ZNF407: variants seen among roughly 807,000 people sequenced by gnomAD.
The protein encoded by ZNF407 is zinc finger protein 407.
In ZNF407, 17 loss-of-function variants were observed where a neutral mutation model predicts 131.2. The observed-to-expected ratio is 0.13, with a 90% CI of 0.09 to 0.19. The LOEUF (loss-of-function observed/expected upper bound fraction) is 0.19. Among genes scored for constraint, ZNF407 ranks in the 10% least tolerant of loss-of-function variants. The probability of loss-of-function intolerance (pLI) is 1.00; values close to 1 mark genes in which losing one functional copy is unlikely to be tolerated. For missense variants in ZNF407, 2,681 were observed against 2,830.6 expected (o/e 0.95, Z 1.20); for synonymous variants, 1,156 against 1,062.0 (o/e 1.09, Z -1.72).
chr18:75,007,048 A>G (rs1264722462), intron 8 of ZNF407, among the ~76,000 whole-genome samples: 3 of 151,674 alleles, frequency 2.0e-5, no homozygotes, highest in Non-Finnish European at 4.4e-5. Context: ...CAACTTTTTC[A>G]ACTTTTTCTG....
chr18:74,839,101 T>C (rs1439028673), intron 4 of ZNF407, among the ~76,000 whole-genome samples: 1 of 152,204 alleles, frequency 6.6e-6, no homozygotes, highest in Non-Finnish European at 1.5e-5. Flanking sequence ...ATCTATTGTA[T>C]TTATACTTTC....
chr18:74,962,466 C>A (rs1027376358), intron 8 of ZNF407, among the ~76,000 whole-genome samples: 1 of 152,188 alleles, frequency 6.6e-6, no homozygotes, highest in African/African-American at 2.4e-5. Context: ...AGGATCTGGC[C>A]CACAATAGAC....
chr18:75,011,610 C>T (rs1659305083), intron 8 of ZNF407, among the ~76,000 whole-genome samples: 1 of 151,938 alleles, frequency 6.6e-6, no homozygotes, highest in South Asian at 2.1e-4. Flanking sequence ...TTCCCAAAAT[C>T]AGAAAACACT....
chr18:74,941,867 T>A (rs1262222086), intron 8 of ZNF407, among the ~76,000 whole-genome samples: 1 of 152,232 alleles, frequency 6.6e-6, no homozygotes, highest in Non-Finnish European at 1.5e-5. Context: ...TTGACAAAGG[T>A]ATTCCAGGGC....
intron 8 of ZNF407, among the ~76,000 whole-genome samples, chr18:75,029,810 A>G (rs1973218533): frequency 6.6e-6 from 1 of 152,254 alleles, no homozygotes; most frequent in African/African-American, 2.4e-5. Flanking sequence ...TTAGAATGTC[A>G]TACAGCTGCA....
intron 3 of ZNF407, among the ~76,000 whole-genome samples, chr18:74,779,906 T>A (rs1300825675): frequency 6.6e-6 from 1 of 152,164 alleles, no homozygotes; most frequent in Non-Finnish European, 1.5e-5. Flanking sequence ...TTATAGACAA[T>A]GGAGGACAGT....
intron 8 of ZNF407, among the ~76,000 whole-genome samples, chr18:75,030,951 C>T (rs1403231204): frequency 1.3e-5 from 2 of 152,222 alleles, no homozygotes; most frequent in African/African-American, 4.8e-5. Flanking sequence ...AGCACAATGA[C>T]TTCCCAGTCA....
At chr18:74,729,493 G>C (rs1458216807) in intron 3 of ZNF407, among the ~76,000 whole-genome samples, 1 of 151,698 alleles carries the variant, frequency 6.6e-6, no homozygotes, top group Non-Finnish European at 1.5e-5. Context: ...AGTGTGGTTT[G>C]TGTGTGTGTG....
At chr18:75,019,184 T>G (rs1973078437) in intron 8 of ZNF407, among the ~76,000 whole-genome samples, 1 of 152,164 alleles carries the variant, frequency 6.6e-6, no homozygotes, top group Non-Finnish European at 1.5e-5. Context: ...TTTATGTATT[T>G]TCTTTATCCC....
intron 7 of ZNF407, among the ~76,000 whole-genome samples, chr18:74,902,872 C>T (rs1386230976): frequency 6.6e-6 from 1 of 152,168 alleles, no homozygotes; most frequent in Non-Finnish European, 1.5e-5. Flanking sequence ...CTGACAAGAG[C>T]TCCCAAAAAA....
At chr18:74,859,017 T>A (rs928194991) in intron 4 of ZNF407, among the ~76,000 whole-genome samples, 4 of 152,186 alleles carry the variant, frequency 2.6e-5, no homozygotes, top group African/African-American at 9.7e-5. Context: ...TTGACCTGTT[T>A]AATAAGTACT....
chr18:74,676,307 G>T (rs1415349765), intron 3 of ZNF407, among the ~76,000 whole-genome samples: 2 of 151,922 alleles, frequency 1.3e-5, no homozygotes. Flanking sequence ...GCCCAGGCTG[G>T]TCTCAAACTC....
In ZNF407 at chr18:74,915,321, A is replaced by AGTGT. The variant is rs5826357; in HGVS notation, c.5250-5165_5250-5162dup. ...ATTAGTAAAGAGTGTTCGAATCGGG[A>AGTGT]GTGTGTGTGTGTGTGTGTGTGTGTG... On this transcript the variant is annotated intron_variant, in intron 7 of 8. Coordinates refer to ENST00000299687, the MANE Select transcript of ZNF407 (RefSeq NM_017757.3). Among the ~76,000 whole-genome samples, 343 of 133,186 alleles carry AGTGT rather than the reference A, an allele frequency of 2.6e-3. 1 individual carries two copies. Among genetic ancestry groups the AGTGT allele is most frequent in the Middle Eastern group, 0.012 (3 of 252 alleles). The allele number at this position is 133,186 out of a possible 152,430, so 87.4% of individuals were successfully genotyped here. A position where few individuals can be genotyped will look rare whatever the true frequency, so the allele number is the denominator to read the frequency against.
intron 8 of ZNF407, among the ~76,000 whole-genome samples, chr18:74,932,845 A>G (rs1971997909): frequency 2.6e-5 from 4 of 152,144 alleles, no homozygotes; most frequent in Admixed American, 6.5e-5. Flanking sequence ...ACCTACGACT[A>G]CCACCTCATA....
At chr18:74,956,500 C>T (rs915606582) in intron 8 of ZNF407, among the ~76,000 whole-genome samples, 8 of 152,152 alleles carry the variant, frequency 5.3e-5, no homozygotes, top group Non-Finnish European at 2.9e-5. Context: ...TGTCTTTCTC[C>T]AATGTCATGA....
intron 6 of ZNF407, among the ~76,000 whole-genome samples, chr18:74,885,287 T>C (rs376760203): frequency 6.6e-6 from 1 of 152,162 alleles, no homozygotes; most frequent in African/African-American, 2.4e-5. Flanking sequence ...TATTTAAAGA[T>C]AAAGTTAATA....
At chr18:74,730,427 T>A (rs1300400521) in intron 3 of ZNF407, among the ~76,000 whole-genome samples, 1 of 152,212 alleles carries the variant, frequency 6.6e-6, no homozygotes, top group Non-Finnish European at 1.5e-5. Flanking sequence ...GATGTTTCAC[T>A]TTTCCTCCTG....
At chr18:75,004,195 C>G (rs77684489) in intron 8 of ZNF407, among the ~76,000 whole-genome samples, 1 of 152,110 alleles carries the variant, frequency 6.6e-6, no homozygotes, top group Non-Finnish European at 1.5e-5. Flanking sequence ...GTCGTAGCAC[C>G]GGTGTTAAGT....
intron 8 of ZNF407, among the ~76,000 whole-genome samples, chr18:74,947,576 T>C (rs1191552710): frequency 6.6e-6 from 1 of 152,208 alleles, no homozygotes; most frequent in African/African-American, 2.4e-5. Flanking sequence ...TAGTGCACAC[T>C]GAGCGCCTGC....
Sources: allele counts gnomAD v4.1 joint callset (sites outside exome capture counted in the v4.1 genomes callset), GRCh38; gene constraint gnomAD v4.1.1; transcripts MANE v1.5; gene names NCBI Gene and HGNC (gene_info 2026-07-23, HGNC 2026-07-21).